The following TBC1D14 variants were observed in gnomAD, a reference collection of about 807,000 sequenced individuals.
The protein encoded by TBC1D14 is TBC1 domain family, member 14.
A neutral mutation model predicts 79.0 loss-of-function variants in TBC1D14; 26 were observed. That is an observed-to-expected ratio of 0.33 (90% confidence interval 0.24 to 0.46). TBC1D14 has a LOEUF of 0.46. Among genes scored for constraint, TBC1D14 ranks in the 20% least tolerant of loss-of-function variants. The pLI is 1.00. For synonymous variants in TBC1D14, 394 were observed against 349.9 expected (o/e 1.13, Z -1.40); for missense variants, 769 against 887.6 (o/e 0.87, Z 1.70).
rs1577096907 is a variant in TBC1D14, at chr4:6,967,540, G to A, written c.843+116G>A. The stretch of plus-strand genomic sequence containing the variant: ...AACTGGAAATCGCTTTGTATTATCT[G>A]CATACCACGTTCCTCAGATTTAAGT... On this transcript the variant is annotated intron_variant, in intron 3 of 13. Coordinates refer to ENST00000409757, the MANE Select transcript of TBC1D14 (RefSeq NM_020773.3). 5 of 1,308,958 alleles carry A rather than the reference G, an allele frequency of 3.8e-6. No individual in the cohort carries two copies. In the East Asian group the frequency reaches 1.2e-4, roughly 32 times the overall value. The allele number at this position is 1,308,958 out of a possible 1,614,324, so 81.1% of individuals were successfully genotyped here.
intron 1 of TBC1D14, among the ~76,000 whole-genome samples, chr4:6,911,850 T>C (rs1020346092): frequency 6.6e-6 from 1 of 152,208 alleles, no homozygotes; most frequent in East Asian, 1.9e-4. Context: ...CGGGGGTTGC[T>C]TGGGGAGTCT....
intron 2 of TBC1D14, among the ~76,000 whole-genome samples, chr4:6,963,872 C>G (rs935582760): frequency 2.0e-5 from 3 of 151,852 alleles, no homozygotes; most frequent in Non-Finnish European, 4.4e-5. Flanking sequence ...TCTCGGCTCA[C>G]TGCAACCTCC....
intron 1 of TBC1D14, among the ~76,000 whole-genome samples, chr4:6,916,888 C>T (rs533638008): frequency 1.6e-4 from 24 of 152,318 alleles, no homozygotes; most frequent in Admixed American, 1.1e-3. Context: ...TGGGCACCTA[C>T]GGATGCGTAC....
At chr4:7,016,151 T>C (rs1487011499) in intron 12 of TBC1D14, among the ~76,000 whole-genome samples, 1 of 152,202 alleles carries the variant, frequency 6.6e-6, no homozygotes, top group Non-Finnish European at 1.5e-5. Context: ...CCCTGGACTG[T>C]TCTCACTCCA....
At chr4:7,000,492 C>T (rs756294129) in intron 6 of TBC1D14, among the ~76,000 whole-genome samples, 139 of 152,256 alleles carry the variant, frequency 9.1e-4, no homozygotes, top group Non-Finnish European at 1.7e-3. Flanking sequence ...CTGCTTTCTG[C>T]AGCCTCAAGC....
At chr4:6,987,104 C>G (rs1445202027) in intron 3 of TBC1D14, 10 of 1,147,720 alleles carry the variant, frequency 8.7e-6, no homozygotes, top group Non-Finnish European at 1.1e-5. Flanking sequence ...CCGCCCCTCG[C>G]CGCTCATCAG....
intron 5 of TBC1D14, chr4:6,998,683 C>T: frequency 5.4e-6 from 1 of 186,052 alleles, no homozygotes; most frequent in Non-Finnish European, 1.1e-5. Flanking sequence ...GGACTACAGG[C>T]CCCTGCCATC....
chr4:6,924,457 G>A (rs1410739886), intron 2 of TBC1D14, among the ~76,000 whole-genome samples: 1 of 152,194 alleles, frequency 6.6e-6, no homozygotes. Context: ...GCCAAGCAGA[G>A]GGCACTGGTG....
chr4:7,002,133 C>T (rs1445504468), intron 7 of TBC1D14, among the ~76,000 whole-genome samples: 1 of 152,180 alleles, frequency 6.6e-6, no homozygotes, highest in African/African-American at 2.4e-5. Context: ...CCCCTCACGC[C>T]CTCACGGAGC....
chr4:6,997,585 C>A (rs1013897259), intron 5 of TBC1D14, among the ~76,000 whole-genome samples: 5 of 152,202 alleles, frequency 3.3e-5, no homozygotes, highest in African/African-American at 1.2e-4. Context: ...GAGATCGTGC[C>A]ACTGCACTCC....
chr4:6,987,852 C>A (rs559748734), intron 3 of TBC1D14, among the ~76,000 whole-genome samples: 23 of 152,332 alleles, frequency 1.5e-4, no homozygotes, highest in Admixed American at 1.2e-3. Context: ...TTTCATTCAC[C>A]AGCCCGCATA....
intron 2 of TBC1D14, among the ~76,000 whole-genome samples, chr4:6,966,320 A>G (rs1231863724): frequency 6.6e-6 from 1 of 152,192 alleles, no homozygotes; most frequent in African/African-American, 2.4e-5. Context: ...GAATGCATTG[A>G]TACAGTGCAT....
At chr4:6,938,761 A>G (rs888474794) in intron 2 of TBC1D14, among the ~76,000 whole-genome samples, 1 of 152,128 alleles carries the variant, frequency 6.6e-6, no homozygotes, top group African/African-American at 2.4e-5. Context: ...GCATTCACCC[A>G]GGGGGCACAG....
At chr4:6,963,133 G>A (rs897310724) in intron 2 of TBC1D14, among the ~76,000 whole-genome samples, 11 of 152,266 alleles carry the variant, frequency 7.2e-5, no homozygotes, top group Non-Finnish European at 8.8e-5. Flanking sequence ...CAGCTGGTCC[G>A]GGAGGGCTCT....
intron 2 of TBC1D14, among the ~76,000 whole-genome samples, chr4:6,926,721 G>T (rs1261223499): frequency 1.3e-5 from 2 of 152,206 alleles, no homozygotes; most frequent in Non-Finnish European, 2.9e-5. Flanking sequence ...AATCTTTAGA[G>T]CTCACTAAAC....
chr4:6,912,490 G>C (rs1006524516), intron 1 of TBC1D14, among the ~76,000 whole-genome samples: 3 of 152,220 alleles, frequency 2.0e-5, no homozygotes, highest in African/African-American at 7.2e-5. Flanking sequence ...GGACTGATCT[G>C]CTTGGCTAGT....
rs115444917 is a variant in TBC1D14, at chr4:6,942,838, C to A, written c.722+18727C>A. 3.0e-3 allele frequency among the ~76,000 whole-genome samples: 453 copies of A among 152,284 alleles called. 3 individuals are homozygous for A. Among genetic ancestry groups the A allele is most frequent in the African/African-American group, 0.01 (427 of 41,550 alleles). ...ACCCTAATACCTGGCTGTTCATTCA[C>A]TGTAAGTTTTTTGCCTGGGATAGAT... is the stretch of plus-strand genomic sequence containing the variant. On this transcript the variant is annotated intron_variant, in intron 2 of 13. Coordinates refer to ENST00000409757, the MANE Select transcript of TBC1D14 (RefSeq NM_020773.3).
intron 2 of TBC1D14, among the ~76,000 whole-genome samples, chr4:6,956,545 G>A (rs565319451): frequency 7.9e-5 from 12 of 152,262 alleles, no homozygotes; most frequent in African/African-American, 2.6e-4. Context: ...TGACACGCCC[G>A]GTCCCCCTTC....
intron 2 of TBC1D14, among the ~76,000 whole-genome samples, chr4:6,924,894 T>TG (rs1052267817): frequency 6.6e-6 from 1 of 152,068 alleles, no homozygotes; most frequent in Non-Finnish European, 1.5e-5. Context: ...GCTTGTGGCC[T>TG]GGGGGTGGTG....
Sources: gnomAD v4.1 joint callset for allele counts (sites outside exome capture counted in the v4.1 genomes callset) on GRCh38, gnomAD v4.1.1 for gene constraint, MANE v1.5 for transcripts, NCBI Gene and HGNC (gene_info 2026-07-23, HGNC 2026-07-21) for gene names.